The following NOSIP variants were observed in gnomAD, a reference collection of about 807,000 sequenced individuals.
NOSIP encodes the protein nitric oxide synthase interacting protein.
Under a neutral mutation model 36.4 loss-of-function variants are expected in NOSIP, and 25 were observed. The ratio of observed to expected loss-of-function variants is 0.69; its 90% CI spans 0.50 to 0.96. The LOEUF (loss-of-function observed/expected upper bound fraction) is 0.96. NOSIP is among the 40% of genes least tolerant of loss of function. The pLI, the probability that NOSIP is intolerant of heterozygous loss-of-function variation, is 0.00. For synonymous variants in NOSIP, 187 were observed against 179.2 expected (o/e 1.04, Z -0.35); for missense variants, 370 against 429.0 (o/e 0.86, Z 1.21).
chr19:49,555,723 G>A lies in NOSIP; in HGVS notation c.*28C>T, dbSNP rs1261019963. 6.2e-7 allele frequency: 1 copy of A among 1,603,464 alleles called. No homozygotes were observed. Among genetic ancestry groups the A allele is most frequent in the Non-Finnish European group, 8.5e-7 (1 of 1,171,252 alleles). ...AGGCGCCACGTCGTTGCGCACCCAA[G>A]CCGGTTTATTTGGTCTCCCGCACAC... On this transcript the variant is annotated 3_prime_UTR_variant, in exon 9 of 9. Coordinates refer to ENST00000596358, the MANE Select transcript of NOSIP (RefSeq NM_001270960.2).
At position 49,556,349 on chromosome 19, in the gene NOSIP, GTT is replaced by G; in HGVS notation, c.800_801del (p.Lys267ThrfsTer87). Reference sequence around the variant, plus strand: ...AGCACGATGATGTCGCGGTCTGTGAGTTTGTCTCCAGTCACAGGGTCCACCAT... The same window carrying G: ...AGCACGATGATGTCGCGGTCTGTGAGTGTCTCCAGTCACAGGGTCCACCAT... ...KDMVDPVTGD[K>X]LTDRDIIVLQ... On this transcript the variant is annotated frameshift_variant, in exon 8 of 9. Coordinates refer to ENST00000596358, the MANE Select transcript of NOSIP (RefSeq NM_001270960.2). LOFTEE classifies it high-confidence loss of function. 1 of 1,613,538 alleles carries G rather than the reference GTT, an allele frequency of 6.2e-7. No homozygotes were observed. The highest frequency in any genetic ancestry group is 8.5e-7 in the Non-Finnish European group (1 of 1,179,786).
At chr19:49,557,513 A>T (rs2122780904) in intron 4 of NOSIP, 2 of 1,300,646 alleles carry the variant, frequency 1.5e-6, no homozygotes, top group East Asian at 5.6e-5. Context: ...TTCATCTGTA[A>T]AACAGCCTAA....
intron 1 of NOSIP, among the ~76,000 whole-genome samples, chr19:49,571,134 C>T (rs1025448791): frequency 1.4e-5 from 2 of 146,734 alleles, no homozygotes; most frequent in Non-Finnish European, 3.0e-5. Context: ...CCACGCCCAG[C>T]TAATTTTTTT....
intron 1 of NOSIP, among the ~76,000 whole-genome samples, chr19:49,562,387 G>T (rs920527241): frequency 2.6e-5 from 4 of 151,884 alleles, no homozygotes; most frequent in Non-Finnish European, 5.9e-5. Context: ...GCCTCCCAAA[G>T]TGCTGGGATT....
chr19:49,560,589 C>T lies in NOSIP; in HGVS notation c.70+33G>A. On this transcript the variant is annotated intron_variant, in intron 2 of 8. Transcript: ENST00000596358. The surrounding 1 kb of genome is among the most constrained non-coding windows in gnomAD (Gnocchi z 4.6). ...GGAGAGGGTGACTCCAAGACACAGC[C>T]ATGTCCCGCCTCTTCCCACCCCAGC... The T allele has an allele frequency of 1.3e-6, 2 of 1,528,404 alleles. No homozygotes were observed. Among genetic ancestry groups the T allele is most frequent in the Non-Finnish European group, 1.8e-6 (2 of 1,121,420 alleles). 94.7% of individuals were successfully genotyped at this position (1,528,404 alleles called of 1,614,324 possible). A position where few individuals can be genotyped will look rare whatever the true frequency, so the allele number is the denominator to read the frequency against.
chr19:49,575,748 AACTTT>A (rs1484466247), intron 1 of NOSIP, among the ~76,000 whole-genome samples: 1 of 152,140 alleles, frequency 6.6e-6, no homozygotes, highest in Non-Finnish European at 1.5e-5. Flanking sequence ...GTTCCAATAA[AACTTT>A]ACTTTTAGAC....
At chr19:49,566,692 T>C (rs562878937) in intron 1 of NOSIP, 1 of 152,414 alleles carries the variant, frequency 6.6e-6, no homozygotes, top group African/African-American at 2.4e-5. Flanking sequence ...AGTGCAGCAA[T>C]GTTTACAACT....
intron 1 of NOSIP, among the ~76,000 whole-genome samples, chr19:49,567,178 A>C (rs949201380): frequency 7.3e-6 from 1 of 136,406 alleles, no homozygotes; most frequent in Non-Finnish European, 1.5e-5. Context: ...GCTGGAGTGC[A>C]GTGGCGCGAT....
intron 1 of NOSIP, among the ~76,000 whole-genome samples, chr19:49,575,597 T>G (rs1453547461): frequency 1.3e-5 from 2 of 152,084 alleles, no homozygotes; most frequent in Non-Finnish European, 2.9e-5. Context: ...TTCTAGGAAG[T>G]CAGAGGATAT....
At chr19:49,559,254 G>A (rs764747040) in intron 3 of NOSIP, 42 of 406,534 alleles carry the variant, frequency 1.0e-4, no homozygotes, top group African/African-American at 7.9e-4. Context: ...TAGAGCTGCA[G>A]GGAAAGTGCT....
chr19:49,559,687 T>A (rs2080305140), intron 3 of NOSIP: 1 of 520,626 alleles, frequency 1.9e-6, no homozygotes, highest in Non-Finnish European at 3.5e-6. Flanking sequence ...GCTGCTCCGA[T>A]GGCCTCGGCA....
chr19:49,561,883 TAAAAA>T (rs35018027), intron 1 of NOSIP, among the ~76,000 whole-genome samples: 5 of 130,004 alleles, frequency 3.8e-5, no homozygotes, highest in South Asian at 2.4e-4. Context: ...CTGTCACAAT[TAAAAA>T]AAAAAAAAAA....
At chr19:49,557,356 A>G (rs2080268932) in intron 4 of NOSIP, 107 bp from the exon 5 acceptor site, 2 of 1,464,198 alleles carry the variant, frequency 1.4e-6, no homozygotes, top group Non-Finnish European at 1.8e-6. Context: ...CCTCTGATGG[A>G]GGCACTATGT....
chr19:49,556,789 G>C, intron 6 of NOSIP, 53 bp from the exon 7 acceptor site: 1 of 1,588,210 alleles, frequency 6.3e-7, no homozygotes, highest in South Asian at 1.1e-5. Context: ...CGCAGGTGGA[G>C]AGCGCGTGGT....
intron 1 of NOSIP, among the ~76,000 whole-genome samples, chr19:49,565,421 C>T (rs1296011609): frequency 6.6e-6 from 1 of 152,026 alleles, no homozygotes; most frequent in Non-Finnish European, 1.5e-5. Context: ...CTGGGTTAGA[C>T]AGTTATGCTT....
chr19:49,557,819 T>C, intron 4 of NOSIP: 1 of 987,924 alleles, frequency 1.0e-6, no homozygotes. Flanking sequence ...TGGGCGGTGC[T>C]GCAGTTCCAG....
intron 4 of NOSIP, 162 bp from the exon 5 acceptor site, chr19:49,557,411 TGCGTTGTATA>T (rs1229224035): frequency 7.0e-7 from 1 of 1,431,788 alleles, no homozygotes; most frequent in Non-Finnish European, 9.1e-7. Context: ...TGAACCTTAC[TGCGTTGTATA>T]GCCAGACTGC....
rs199548969 is a variant in NOSIP at position 49,556,288 on chromosome 19, T to C, written c.834+29A>G. 4.6e-5 allele frequency: 51 copies of C among 1,100,160 alleles called. No homozygotes were observed. The East Asian group carries it at 2.1e-3, about 45-fold the overall frequency. The allele number at this position is 1,100,160 out of a possible 1,614,324, so 68.1% of individuals were successfully genotyped here. ...GGGGAGGGGCGGGGCCTTGGAGTGC[T>C]GGGGGAAGGGGAGGGGTGGGACTCT... On this transcript the variant is annotated intron_variant, in intron 8 of 8. Coordinates refer to ENST00000596358, the MANE Select transcript of NOSIP (RefSeq NM_001270960.2).
At position 49,560,178 on chromosome 19, in the gene NOSIP, G is replaced by A. The variant is rs1056143605; in HGVS notation, c.71-139C>T. 1.3e-5 allele frequency: 8 copies of A among 636,264 alleles called. No homozygotes were observed. In the East Asian group the frequency reaches 1.7e-4, roughly 13 times the overall value. The allele number at this position is 636,264 out of a possible 1,614,324, so 39.4% of individuals were successfully genotyped here. On this transcript the variant is annotated intron_variant, in intron 2 of 8. Transcript: ENST00000596358. The surrounding 1 kb of genome is among the most constrained non-coding windows in gnomAD (Gnocchi z 4.6). Reference sequence around the variant, plus strand: ...AGAGAGAAACAGGCAGTTGGGAGCCGCTGCCTGTGTGCTGGGGCCACGGGC... The same window carrying A: ...AGAGAGAAACAGGCAGTTGGGAGCCACTGCCTGTGTGCTGGGGCCACGGGC...
Sources: allele counts gnomAD v4.1 joint callset (sites outside exome capture counted in the v4.1 genomes callset), GRCh38; gene constraint gnomAD v4.1.1; non-coding constraint Gnocchi (gnomAD v3.1); transcripts MANE v1.5; gene names NCBI Gene and HGNC (gene_info 2026-07-23, HGNC 2026-07-21).